Variants in CLOCK observed in about 807,000 individuals in gnomAD.
CLOCK encodes circadian locomoter output cycles protein kaput.
A neutral mutation model predicts 118.4 loss-of-function variants in CLOCK; 43 were observed. The ratio of observed to expected loss-of-function variants is 0.36; its 90% CI spans 0.28 to 0.47. The LOEUF is 0.47. CLOCK is among the 20% of genes least tolerant of loss of function. The pLI is 1.00. For synonymous variants in CLOCK, 326 were observed against 339.2 expected (o/e 0.96, Z 0.43); for missense variants, 846 against 999.9 (o/e 0.85, Z 2.08).
At chr4:55,544,906 A>G (rs1281083270) in intron 1 of CLOCK, among the ~76,000 whole-genome samples, 1 of 152,186 alleles carries the variant, frequency 6.6e-6, no homozygotes, top group African/African-American at 2.4e-5. Flanking sequence ...CACTATTCAC[A>G]AAGTACCGCT....
At chr4:55,513,887 A>C (rs1729318947) in intron 1 of CLOCK, among the ~76,000 whole-genome samples, 1 of 151,994 alleles carries the variant, frequency 6.6e-6, no homozygotes, top group South Asian at 2.1e-4. Context: ...ATATTAATGT[A>C]ATGGTATTGT....
At chr4:55,533,568 TC>T (rs1236416515) in intron 1 of CLOCK, among the ~76,000 whole-genome samples, 2 of 152,160 alleles carry the variant, frequency 1.3e-5, no homozygotes, top group Admixed American at 6.5e-5. Flanking sequence ...TCAAACCATA[TC>T]ACTGACTAAA....
intron 12 of CLOCK, 39 bp from the exon 13 acceptor site, chr4:55,456,042 C>A (rs377353400): frequency 1.3e-5 from 19 of 1,512,342 alleles, no homozygotes; most frequent in Admixed American, 1.7e-5. Flanking sequence ...ATAAGTTTTT[C>A]CATAATAAGA....
chr4:55,462,108 T>C (rs1220796310), intron 9 of CLOCK, among the ~76,000 whole-genome samples: 1 of 152,210 alleles, frequency 6.6e-6, no homozygotes, highest in Admixed American at 6.5e-5. Context: ...AGCAAGCCAT[T>C]TAATTAAGAC....
chr4:55,497,621 C>T (rs1728168883), intron 2 of CLOCK, among the ~76,000 whole-genome samples: 1 of 152,168 alleles, frequency 6.6e-6, no homozygotes, highest in African/African-American at 2.4e-5. Context: ...AACTTCTGAA[C>T]TATCTTAACC....
chr4:55,493,169 C>T (rs1291195086), intron 2 of CLOCK, among the ~76,000 whole-genome samples: 1 of 152,020 alleles, frequency 6.6e-6, no homozygotes, highest in African/African-American at 2.4e-5. Flanking sequence ...TTATCTATTC[C>T]AGAGAACAAA....
chr4:55,460,893 A>C (rs1294116433), intron 9 of CLOCK, among the ~76,000 whole-genome samples: 1 of 151,144 alleles, frequency 6.6e-6, no homozygotes, highest in Non-Finnish European at 1.5e-5. Context: ...AGTCCTATTG[A>C]GTTTACACAC....
chr4:55,449,610 CCATT>C, intron 16 of CLOCK, 114 bp from the exon 17 acceptor site: 1 of 893,468 alleles, frequency 1.1e-6, no homozygotes, highest in Non-Finnish European at 1.8e-6. Context: ...TTTTTCCAAA[CCATT>C]CAATGAAAGT....
At position 55,432,566 on chromosome 4, in the gene CLOCK, T is replaced by C. The variant is rs1333873732; in HGVS notation, c.*2849A>G. 4 of 139,034 alleles carry C rather than the reference T, an allele frequency of 2.9e-5. No individual in the cohort carries two copies. The highest frequency in any genetic ancestry group is 6.1e-5 in the Non-Finnish European group (4 of 65,902). The allele number at this position is 139,034 out of a possible 1,614,324, so 8.6% of individuals were successfully genotyped here. ...GGATTTTAACTAACAGCTTTGGCTA[T>C]AGAAATGAAGAACAGACACTGCTGA... On this transcript the variant is annotated 3_prime_UTR_variant, in exon 23 of 23. Transcript: ENST00000513440.
At chr4:55,510,771 G>A (rs573036680) in intron 1 of CLOCK, among the ~76,000 whole-genome samples, 11 of 152,202 alleles carry the variant, frequency 7.2e-5, no homozygotes, top group Admixed American at 2.0e-4. Flanking sequence ...TGTTCAAATG[G>A]CTAGGTGTAG....
chr4:55,448,684 C>A, intron 18 of CLOCK, 95 bp downstream of exon 18: 4 of 832,940 alleles, frequency 4.8e-6, no homozygotes, highest in Non-Finnish European at 5.7e-6. Flanking sequence ...GCTACAGGTG[C>A]TTGCCAGCAA....
intron 21 of CLOCK, among the ~76,000 whole-genome samples, chr4:55,441,598 G>A (rs1723372256): frequency 6.6e-6 from 1 of 152,182 alleles, no homozygotes; most frequent in South Asian, 2.1e-4. Context: ...GATGGAGCTG[G>A]AGGCCATTAT....
chr4:55,537,931 A>T (rs565326637), intron 1 of CLOCK, among the ~76,000 whole-genome samples: 124 of 152,344 alleles, frequency 8.1e-4, no homozygotes, highest in African/African-American at 2.8e-3. Context: ...CCCAAAAGTA[A>T]GCTGAGGAAA....
intron 1 of CLOCK, among the ~76,000 whole-genome samples, chr4:55,513,736 G>A (rs1250885892): frequency 1.3e-5 from 2 of 152,054 alleles, no homozygotes; most frequent in Non-Finnish European, 2.9e-5. Flanking sequence ...ATAAAATTGT[G>A]AAGAACTGAC....
rs139926322 is a variant in CLOCK at position 55,472,070 on chromosome 4, CAAAAT to C, written c.349-1269_349-1265del. On this transcript the variant is annotated intron_variant, in intron 7 of 22. Coordinates refer to ENST00000513440, the MANE Select transcript of CLOCK (RefSeq NM_004898.4). ...TGAGCAACAGAGTGAGACCCTGTCTCAAAATAGTAATAAAAATTGAAATTACAAAA... is the reference window on the plus strand; with the variant it reads ...TGAGCAACAGAGTGAGACCCTGTCTCAGTAATAAAAATTGAAATTACAAAA... 3.4e-3 allele frequency among the ~76,000 whole-genome samples: 515 copies of C among 151,450 alleles called. 2 individuals carry two copies. The highest frequency in any genetic ancestry group is 0.011 in the African/African-American group (470 of 41,228).
At chr4:55,527,714 A>C (rs1248061703) in intron 1 of CLOCK, among the ~76,000 whole-genome samples, 4 of 152,160 alleles carry the variant, frequency 2.6e-5, no homozygotes, top group Non-Finnish European at 4.4e-5. Context: ...AGTATCGTTA[A>C]TTTTGTTAGG....
rs757172453 is a variant in CLOCK, at chr4:55,468,395, T to A, written c.438+2322A>T. Among the ~76,000 whole-genome samples the A allele has an allele frequency of 2.0e-5, 3 of 152,316 alleles. No homozygotes were observed. In the East Asian group the frequency reaches 5.8e-4, roughly 29 times the overall value. ...ATCAGCTGTGGCACAGCACCTAGCA[T>A]GGTGTCTGGCACAGAGCAGATATTA... On this transcript the variant is annotated intron_variant, in intron 8 of 22. Transcript: ENST00000513440.
intron 2 of CLOCK, among the ~76,000 whole-genome samples, chr4:55,503,978 T>TAA (rs60471915): frequency 0.17 from 11,918 of 70,952 alleles, 1,840 homozygotes; most frequent in South Asian, 0.33. Flanking sequence ...CAAAAAGAGG[T>TAA]AAAAAAAAAA....
intron 1 of CLOCK, among the ~76,000 whole-genome samples, chr4:55,522,568 A>T (rs1461368755): frequency 6.6e-6 from 1 of 152,184 alleles, no homozygotes; most frequent in African/African-American, 2.4e-5. Flanking sequence ...TATGAACAGA[A>T]TAAGTAGTTG....
Sources: gnomAD v4.1 joint callset for allele counts (sites outside exome capture counted in the v4.1 genomes callset) on GRCh38, gnomAD v4.1.1 for gene constraint, MANE v1.5 for transcripts, NCBI Gene and HGNC (gene_info 2026-07-23, HGNC 2026-07-21) for gene names.